Variants in UBE2U observed in about 807,000 individuals in gnomAD.
UBE2U encodes ubiquitin-conjugating enzyme E2 U.
In UBE2U, 39 loss-of-function variants were observed where a neutral mutation model predicts 41.2. The observed-to-expected ratio is 0.95, with a 90% CI of 0.73 to 1.24. UBE2U has a LOEUF of 1.24. Among genes scored for constraint, UBE2U ranks in the 50% most tolerant of loss-of-function variants. The pLI is 0.00. For synonymous variants in UBE2U, 107 were observed against 117.8 expected, an observed-to-expected ratio of 0.91 and a Z score of 0.60; for missense variants, 336 against 363.1, an observed-to-expected ratio of 0.93 and a Z score of 0.61.
At chr1:64,215,092 G>A (rs12081070) in intron 5 of UBE2U, among the ~76,000 whole-genome samples, 160 bp downstream of exon 5, 71,448 of 152,060 alleles carry the variant, frequency 0.47, 16,921 homozygotes, top group East Asian at 0.64. Flanking sequence ...TTAGCTGGGC[G>A]TAGTGGCACA....
intron 5 of UBE2U, among the ~76,000 whole-genome samples, chr1:64,218,436 A>T (rs546664176): frequency 1.3e-5 from 2 of 152,216 alleles, no homozygotes; most frequent in Non-Finnish European, 2.9e-5. Context: ...TTTCTATCAA[A>T]GAAATATATG....
intron 7 of UBE2U, among the ~76,000 whole-genome samples, chr1:64,233,408 T>A (rs1040014975): frequency 1.3e-5 from 2 of 152,148 alleles, no homozygotes; most frequent in African/African-American, 4.8e-5. Flanking sequence ...CAAAGAAGAA[T>A]ACAAAGTTCT....
intron 8 of UBE2U, chr1:64,244,028 T>C: frequency 2.6e-6 from 2 of 773,650 alleles, no homozygotes; most frequent in South Asian, 1.5e-5. Context: ...AATTAATATA[T>C]GTAAAATGCT....
At chr1:64,205,563 C>T in intron 1 of UBE2U, 76 bp from the exon 2 acceptor site, 1 of 1,165,846 alleles carries the variant, frequency 8.6e-7, no homozygotes, top group Non-Finnish European at 1.2e-6. Flanking sequence ...TTCAGTGTGA[C>T]CTGGTATATG....
At chr1:64,228,867 T>G (rs1486552470) in intron 6 of UBE2U, among the ~76,000 whole-genome samples, 1 of 146,250 alleles carries the variant, frequency 6.8e-6, no homozygotes, top group Non-Finnish European at 1.5e-5. Context: ...TTTTTTTTTT[T>G]TTTTTTTTTT....
chr1:64,239,159 A>AAGAG (rs1557731068), intron 7 of UBE2U, among the ~76,000 whole-genome samples: 12 of 54,738 alleles, frequency 2.2e-4, no homozygotes, highest in Non-Finnish European at 3.9e-4. Context: ...AGAAGAAGAA[A>AAGAG]GAAGAAGAAG....
chr1:64,241,760 T>C, intron 8 of UBE2U, 27 bp downstream of exon 8: 1 of 1,535,698 alleles, frequency 6.5e-7, no homozygotes, highest in Non-Finnish European at 8.9e-7. Context: ...GCCTTGAATG[T>C]GTACATTAAC....
Position 64,205,680 on chromosome 1 carries a change from GGAAGTT to G in UBE2U, c.112_117del (p.Val38_Glu39del), listed in dbSNP as rs1651248261. The G allele has an allele frequency of 1.2e-6, 2 of 1,613,070 alleles. No homozygotes were observed. Among genetic ancestry groups the G allele is most frequent in the South Asian group, 2.2e-5 (2 of 90,958 alleles). On this transcript the variant is annotated inframe_deletion, in exon 2 of 10. Coordinates refer to ENST00000371077, the MANE Select transcript of UBE2U (RefSeq NM_001366232.2). ...CTGTAAGTGAAGATATGATGGAATG[GGAAGTT>G]GAAATTGAAGGTCTACAGAATTCAG...
intron 4 of UBE2U, 36 bp from the exon 5 acceptor site, chr1:64,214,778 AC>A (rs770014521): frequency 6.4e-7 from 1 of 1,568,504 alleles, no homozygotes; most frequent in Non-Finnish European, 8.8e-7. Context: ...AAAAAAGTTT[AC>A]TTCTGAAATT....
chr1:64,210,844 G>T lies in UBE2U; in HGVS notation c.339+5G>T. ...AGCATCTTACTTGCCCTACAGGTAA[G>T]AATGGATTTCATATAATCCTCTCTT... On this transcript the variant is annotated splice_donor_5th_base_variant and intron_variant, in intron 4 of 9. Transcript: ENST00000371077. 1 of 1,583,898 alleles carries T rather than the reference G, an allele frequency of 6.3e-7. No individual in the cohort carries two copies. The highest frequency in any genetic ancestry group is 8.6e-7 in the Non-Finnish European group (1 of 1,162,878).
At chr1:64,211,173 C>G (rs1651641361) in intron 4 of UBE2U, among the ~76,000 whole-genome samples, 1 of 152,126 alleles carries the variant, frequency 6.6e-6, no homozygotes, top group South Asian at 2.1e-4. Flanking sequence ...GTTGAGCAAG[C>G]CTTTTAGATC....
rs2806529 is a variant in UBE2U, at chr1:64,203,884, A to T, written c.-167A>T. ...AGTCAGGAGAAAAAGTCATTGTTAT[A>T]TCCCAACTTTAGAAGCCGCTTATCT... On this transcript the variant is annotated 5_prime_UTR_variant, in exon 1 of 10. Coordinates refer to ENST00000371077, the MANE Select transcript of UBE2U (RefSeq NM_001366232.2). 215,796 of 480,652 alleles carry T rather than the reference A, an allele frequency of 0.45. 49,261 individuals carry two copies. Among genetic ancestry groups the T allele is most frequent in the Middle Eastern group, 0.49 (1,213 of 2,488 alleles). The allele number at this position is 480,652 out of a possible 1,614,324, so 29.8% of individuals were successfully genotyped here.
chr1:64,262,678 A>T (rs1321866386), intron 9 of UBE2U, among the ~76,000 whole-genome samples: 1 of 152,202 alleles, frequency 6.6e-6, no homozygotes, highest in Non-Finnish European at 1.5e-5. Context: ...AGATGGAGTC[A>T]TATGTGATGT....
At chr1:64,236,339 G>A (rs1570064516) in intron 7 of UBE2U, among the ~76,000 whole-genome samples, 1 of 152,078 alleles carries the variant, frequency 6.6e-6, no homozygotes, top group South Asian at 2.1e-4. Context: ...TACTGCCTCC[G>A]TAATATGACA....
intron 3 of UBE2U, 113 bp from the exon 4 acceptor site, chr1:64,210,629 G>A: frequency 3.0e-6 from 2 of 677,216 alleles, no homozygotes; most frequent in Non-Finnish European, 2.3e-6. Context: ...AGAAGAACTA[G>A]GAAAAAGGAA....
chr1:64,239,771 G>T (rs934060424), intron 7 of UBE2U, among the ~76,000 whole-genome samples: 52 of 152,088 alleles, frequency 3.4e-4, no homozygotes, highest in African/African-American at 1.1e-3. Context: ...TCTATCATTG[G>T]TGGACATTTG....
chr1:64,216,547 G>A (rs535233948), intron 5 of UBE2U, among the ~76,000 whole-genome samples: 41 of 152,266 alleles, frequency 2.7e-4, no homozygotes, highest in Middle Eastern at 6.8e-3. Flanking sequence ...ATACTTTCCC[G>A]GGCCTGCTGG....
chr1:64,267,331 G>GC lies in UBE2U; in HGVS notation c.*124dup. On this transcript the variant is annotated 3_prime_UTR_variant, in exon 10 of 10. Transcript: ENST00000371077. ...TTTAAGTTGTTCTCACCCACTCACT[G>GC]CAAGTACAAATTAGAAATATAAGTA... 1.3e-6 allele frequency: 1 copy of GC among 751,802 alleles called. No individual in the cohort carries two copies. The highest frequency in any genetic ancestry group is 2.0e-6 in the Non-Finnish European group (1 of 491,570). 46.6% of individuals were successfully genotyped at this position (751,802 alleles called of 1,614,324 possible).
intron 8 of UBE2U, among the ~76,000 whole-genome samples, chr1:64,250,830 A>G (rs1322113792): frequency 6.7e-6 from 1 of 149,644 alleles, no homozygotes; most frequent in Non-Finnish European, 1.5e-5. Flanking sequence ...ACCAAACACC[A>G]TATGTTCTCA....
Sources: allele counts gnomAD v4.1 joint callset (sites outside exome capture counted in the v4.1 genomes callset), GRCh38; gene constraint gnomAD v4.1.1; transcripts MANE v1.5; gene names NCBI Gene and HGNC (gene_info 2026-07-23, HGNC 2026-07-21).